The following NT5DC1 variants were observed in gnomAD, a reference collection of about 807,000 sequenced individuals.
NT5DC1 encodes 5'-nucleotidase domain-containing protein 1.
A neutral mutation model predicts 59.4 loss-of-function variants in NT5DC1; 42 were observed. That is an observed-to-expected ratio of 0.71 (90% CI 0.55 to 0.92). The LOEUF is 0.92. Among genes scored for constraint, NT5DC1 ranks in the 40% least tolerant of loss-of-function variants. NT5DC1 has a pLI of 0.00. For missense variants in NT5DC1, 501 were observed against 537.1 expected (o/e 0.93, Z 0.66); for synonymous variants, 172 against 188.1 (o/e 0.91, Z 0.70).
rs760179986 is a variant in NT5DC1, at chr6:116,137,939, C to T, written c.529+19994C>T. ...TACCAAAAATACAAAATTAGCCAGG[C>T]GTGGTGGTGTGTGTCTGTAATCCAA... On this transcript the variant is annotated intron_variant, in intron 6 of 11. Transcript: ENST00000319550. 2.6e-5 allele frequency among the ~76,000 whole-genome samples: 4 copies of T among 151,850 alleles called. No homozygotes were observed. In the South Asian group the frequency reaches 6.2e-4, roughly 24 times the overall value.
chr6:116,106,924 G>A (rs963014067), intron 2 of NT5DC1, among the ~76,000 whole-genome samples: 1 of 152,044 alleles, frequency 6.6e-6, no homozygotes, highest in African/African-American at 2.4e-5. Flanking sequence ...CAGGCGTGGT[G>A]GCAATTCTGT....
chr6:116,143,950 G>T (rs1475838594), intron 6 of NT5DC1, among the ~76,000 whole-genome samples: 1 of 152,156 alleles, frequency 6.6e-6, no homozygotes, highest in Non-Finnish European at 1.5e-5. Flanking sequence ...GAACTGATGT[G>T]AGTAGAATGT....
At chr6:116,158,229 G>GAT (rs1780247560) in intron 6 of NT5DC1, among the ~76,000 whole-genome samples, 1 of 152,040 alleles carries the variant, frequency 6.6e-6, no homozygotes, top group African/African-American at 2.4e-5. Context: ...AGTGAGTGTA[G>GAT]ATCTGGGAGT....
At chr6:116,237,384 T>G (rs919662984) in intron 9 of NT5DC1, 147 of 518,246 alleles carry the variant, frequency 2.8e-4, no homozygotes, top group Admixed American at 9.0e-5. Context: ...AAGATACACT[T>G]GTTTTTGACA....
Position 116,239,136 on chromosome 6 carries a change from A to G in NT5DC1, c.1252+13A>G. On this transcript the variant is annotated intron_variant, in intron 11 of 11. Transcript: ENST00000319550. ...GAAGCAATCGCAGGTAAGGGGGAAA[A>G]TACCTATAAAGCTTCACCTGTTACT... The G allele has an allele frequency of 6.3e-7, 1 of 1,588,614 alleles. No homozygotes were observed. The highest frequency in any genetic ancestry group is 8.6e-7 in the Non-Finnish European group (1 of 1,160,396).
rs557557406 is a variant in NT5DC1 at position 116,173,720 on chromosome 6, C to G, written c.530-47334C>G. On this transcript the variant is annotated intron_variant, in intron 6 of 11. Transcript: ENST00000319550. Reference sequence around the variant, plus strand: ...CTTATACACTTTGTTTTGGAATAATCCCTAAATGTATAGAAAAATGATAAA... The same window carrying G: ...CTTATACACTTTGTTTTGGAATAATGCCTAAATGTATAGAAAAATGATAAA... 1.1e-4 allele frequency among the ~76,000 whole-genome samples: 16 copies of G among 152,076 alleles called. No homozygotes were observed. In the East Asian group the frequency reaches 2.9e-3, roughly 28 times the overall value.
At chr6:116,198,557 TCATCCCTAGAAAAAAA>T (rs1434896835) in intron 6 of NT5DC1, among the ~76,000 whole-genome samples, 2 of 151,742 alleles carry the variant, frequency 1.3e-5, no homozygotes, top group African/African-American at 4.8e-5. Flanking sequence ...TAATGAGACC[TCATCCCTAGAAAAAAA>T]ATTTAAAAAT....
chr6:116,171,177 G>T (rs1780597042), intron 6 of NT5DC1, among the ~76,000 whole-genome samples: 1 of 151,950 alleles, frequency 6.6e-6, no homozygotes, highest in East Asian at 1.9e-4. Context: ...AAGGTTAAAT[G>T]ACCCACTTAT....
At chr6:116,177,714 TAC>T (rs1780764570) in intron 6 of NT5DC1, among the ~76,000 whole-genome samples, 1 of 152,172 alleles carries the variant, frequency 6.6e-6, no homozygotes, top group Non-Finnish European at 1.5e-5. Context: ...TAAAGTTTAT[TAC>T]TAAATAATCT....
At chr6:116,129,832 A>G (rs1157950785) in intron 6 of NT5DC1, among the ~76,000 whole-genome samples, 2 of 152,178 alleles carry the variant, frequency 1.3e-5, no homozygotes, top group African/African-American at 4.8e-5. Flanking sequence ...CCTGTGATCT[A>G]GAATTTGTTG....
At chr6:116,223,685 T>C (rs942523732) in intron 8 of NT5DC1, among the ~76,000 whole-genome samples, 2 of 152,254 alleles carry the variant, frequency 1.3e-5, no homozygotes, top group African/African-American at 4.8e-5. Context: ...AAGAAGAGCC[T>C]GATCCGGAAT....
chr6:116,128,631 A>G (rs1779384533), intron 6 of NT5DC1, among the ~76,000 whole-genome samples: 1 of 152,196 alleles, frequency 6.6e-6, no homozygotes, highest in Non-Finnish European at 1.5e-5. Context: ...GTTAGACATT[A>G]AGATAAATAC....
chr6:116,134,338 T>G (rs1370414846), intron 6 of NT5DC1, among the ~76,000 whole-genome samples: 1 of 152,206 alleles, frequency 6.6e-6, no homozygotes, highest in South Asian at 2.1e-4. Flanking sequence ...AAGCCTCTTA[T>G]GGCCTCTGAC....
At chr6:116,214,355 G>T (rs953708133) in intron 6 of NT5DC1, among the ~76,000 whole-genome samples, 2 of 152,052 alleles carry the variant, frequency 1.3e-5, no homozygotes, top group African/African-American at 4.8e-5. Flanking sequence ...TACTTAAAAT[G>T]TTTTTAAACA....
intron 6 of NT5DC1, among the ~76,000 whole-genome samples, chr6:116,150,046 A>G (rs1048785209): frequency 1.1e-4 from 16 of 152,184 alleles, no homozygotes; most frequent in Non-Finnish European, 4.4e-5. Context: ...CTTGTGGGCC[A>G]TAAGTGTTGA....
chr6:116,151,804 A>G (rs1780047946), intron 6 of NT5DC1, among the ~76,000 whole-genome samples: 1 of 152,206 alleles, frequency 6.6e-6, no homozygotes, highest in Admixed American at 6.5e-5. Context: ...AGCAGCAACA[A>G]CAAAATACTT....
At chr6:116,141,142 T>G (rs1779754734) in intron 6 of NT5DC1, among the ~76,000 whole-genome samples, 1 of 152,156 alleles carries the variant, frequency 6.6e-6, no homozygotes, top group African/African-American at 2.4e-5. Flanking sequence ...CTGTCTCATT[T>G]TATTGTATTT....
At chr6:116,141,503 A>T (rs1779762926) in intron 6 of NT5DC1, among the ~76,000 whole-genome samples, 1 of 151,942 alleles carries the variant, frequency 6.6e-6, no homozygotes, top group South Asian at 2.1e-4. Flanking sequence ...GTGGGACTCC[A>T]AGTCATTGTA....
At chr6:116,145,472 A>G (rs376416945) in intron 6 of NT5DC1, 4 of 382,382 alleles carry the variant, frequency 1.0e-5, no homozygotes, top group East Asian at 1.5e-4. Context: ...TTCAGGATAT[A>G]TCTACAAGTT....
Sources: gnomAD v4.1 joint callset for allele counts (sites outside exome capture counted in the v4.1 genomes callset) on GRCh38, gnomAD v4.1.1 for gene constraint, MANE v1.5 for transcripts, NCBI Gene and HGNC (gene_info 2026-07-23, HGNC 2026-07-21) for gene names.